The following RBFOX1 variants were observed in gnomAD, a reference collection of about 807,000 sequenced individuals.
The protein encoded by RBFOX1 is RNA binding protein fox-1 homolog 1.
A neutral mutation model predicts 57.7 loss-of-function variants in RBFOX1; 8 were observed. The ratio of observed to expected loss-of-function variants is 0.14; its 90% confidence interval spans 0.08 to 0.25. The LOEUF (loss-of-function observed/expected upper bound fraction) is 0.25, where lower values mean the gene tolerates loss of function less well. Ranked by LOEUF, RBFOX1 falls within the 10% of genes least tolerant of loss-of-function variation. RBFOX1 has a pLI of 1.00. For synonymous variants in RBFOX1, 326 were observed against 222.4 expected (o/e 1.47, Z -4.15); for missense variants, 611 against 548.5 (o/e 1.11, Z -1.14).
intron 1 of RBFOX1, among the ~76,000 whole-genome samples, chr16:6,220,948 A>G (rs961198583): frequency 6.6e-6 from 1 of 151,920 alleles, no homozygotes; most frequent in Non-Finnish European, 1.5e-5. Flanking sequence ...GCTATCAAAT[A>G]CTTCACTCTG....
At chr16:6,840,440 TTAG>T (rs944062597) in intron 3 of RBFOX1, among the ~76,000 whole-genome samples, 1 of 152,172 alleles carries the variant, frequency 6.6e-6, no homozygotes, top group Non-Finnish European at 1.5e-5. Flanking sequence ...TCAACTATAA[TTAG>T]TAGAATTAAC....
intron 2 of RBFOX1, among the ~76,000 whole-genome samples, chr16:6,363,618 CACA>C (rs1295783667): frequency 1.3e-5 from 2 of 152,184 alleles, no homozygotes; most frequent in Non-Finnish European, 2.9e-5. Flanking sequence ...GCAGTGACAG[CACA>C]ACAACAGACA....
At chr16:6,888,307 G>C (rs1429784473) in intron 3 of RBFOX1, among the ~76,000 whole-genome samples, 1 of 152,186 alleles carries the variant, frequency 6.6e-6, no homozygotes, top group African/African-American at 2.4e-5. Flanking sequence ...GCTCTTGAAA[G>C]TAGTTACACA....
chr16:7,370,613 G>A (rs1319628279), intron 4 of RBFOX1, among the ~76,000 whole-genome samples: 2 of 152,116 alleles, frequency 1.3e-5, no homozygotes, highest in Non-Finnish European at 2.9e-5. Flanking sequence ...TGCATTTCAG[G>A]ATACCATTCT....
At chr16:5,902,871 G>A (rs1197667293) in intron 4 of RBFOX1, among the ~76,000 whole-genome samples, 3 of 152,222 alleles carry the variant, frequency 2.0e-5, no homozygotes, top group African/African-American at 7.2e-5. Flanking sequence ...AGGATCTGCT[G>A]CTCACCTCCA....
chr16:7,225,527 A>AC (rs199701133), intron 4 of RBFOX1, among the ~76,000 whole-genome samples: 1,630 of 152,024 alleles, frequency 0.011, 30 homozygotes, highest in African/African-American at 0.037. Context: ...TTTATAAATT[A>AC]CCAGTCTCAA....
chr16:6,851,050 A>T (rs562880516), intron 3 of RBFOX1, among the ~76,000 whole-genome samples: 2 of 152,330 alleles, frequency 1.3e-5, no homozygotes, highest in South Asian at 4.1e-4. Context: ...AAAAAAGAAC[A>T]AATTATTGAT....
At chr16:7,388,127 T>A (rs2097915638) in intron 4 of RBFOX1, among the ~76,000 whole-genome samples, 1 of 152,190 alleles carries the variant, frequency 6.6e-6, no homozygotes, top group South Asian at 2.1e-4. Context: ...GTGTTTATTG[T>A]GTTTGCATAA....
At chr16:5,536,618 G>T (rs2044708404) in intron 2 of RBFOX1, among the ~76,000 whole-genome samples, 1 of 152,122 alleles carries the variant, frequency 6.6e-6, no homozygotes, top group South Asian at 2.1e-4. Context: ...TTTGTTATGG[G>T]TGATGTCAGC....
intron 3 of RBFOX1, among the ~76,000 whole-genome samples, chr16:6,942,970 C>A (rs573269585): frequency 6.6e-6 from 1 of 152,134 alleles, no homozygotes; most frequent in Non-Finnish European, 1.5e-5. Context: ...TGACTTGTTT[C>A]GTGGTTGAAA....
intron 3 of RBFOX1, among the ~76,000 whole-genome samples, chr16:6,655,121 C>G (rs944091103): frequency 6.6e-6 from 1 of 151,708 alleles, no homozygotes; most frequent in Non-Finnish European, 1.5e-5. Context: ...TGCCTATAAT[C>G]CCAACACTTT....
intron 4 of RBFOX1, among the ~76,000 whole-genome samples, chr16:5,867,630 A>G (rs577398625): frequency 1.6e-4 from 25 of 152,310 alleles, no homozygotes; most frequent in African/African-American, 6.0e-4. Flanking sequence ...TGGCTCTGCC[A>G]ATGAGACCTC....
At chr16:6,316,339 A>G (rs150617455) in intron 1 of RBFOX1, among the ~76,000 whole-genome samples, 2 of 152,376 alleles carry the variant, frequency 1.3e-5, no homozygotes, top group East Asian at 3.9e-4. Context: ...ATCAATGAAC[A>G]TGAATCTCAC....
intron 4 of RBFOX1, among the ~76,000 whole-genome samples, chr16:5,987,574 G>C (rs118146901): frequency 6.6e-6 from 1 of 152,136 alleles, no homozygotes; most frequent in Non-Finnish European, 1.5e-5. Flanking sequence ...ATGTGGGCAT[G>C]TGCCTGTTTT....
At chr16:7,046,007 A>C (rs1261793537) in intron 3 of RBFOX1, among the ~76,000 whole-genome samples, 3 of 152,152 alleles carry the variant, frequency 2.0e-5, no homozygotes, top group African/African-American at 4.8e-5. Context: ...CACTATTACT[A>C]TACATTTTTA....
Position 6,102,763 on chromosome 16 carries a change from A to C in RBFOX1, c.-127+82771A>C, listed in dbSNP as rs557869307. Among the ~76,000 whole-genome samples, 6 of 152,268 alleles carry C rather than the reference A, an allele frequency of 3.9e-5. No homozygotes were observed. In the South Asian group the frequency reaches 1.2e-3, roughly 32 times the overall value. On this transcript the variant is annotated intron_variant, in intron 1 of 15. Transcript: ENST00000550418. ...TTGACTTGGTGAATCACAGCTGTTAAACTGTGTCTCGTGATTTTCATTTTA... is the reference window on the plus strand; with the variant it reads ...TTGACTTGGTGAATCACAGCTGTTACACTGTGTCTCGTGATTTTCATTTTA...
At chr16:5,428,720 A>C (rs78419286) in intron 1 of RBFOX1, among the ~76,000 whole-genome samples, 1 of 152,146 alleles carries the variant, frequency 6.6e-6, no homozygotes, top group South Asian at 2.1e-4. Flanking sequence ...CAGATGGTAC[A>C]TTACATGGAG....
intron 5 of RBFOX1, among the ~76,000 whole-genome samples, chr16:7,544,555 A>C (rs1296909983): frequency 6.6e-6 from 1 of 152,180 alleles, no homozygotes; most frequent in African/African-American, 2.4e-5. Context: ...GATTGGACTA[A>C]TACCAGGGAC....
intron 10 of RBFOX1, among the ~76,000 whole-genome samples, chr16:7,620,705 T>G (rs2059177264): frequency 6.6e-6 from 1 of 152,208 alleles, no homozygotes; most frequent in South Asian, 2.1e-4. Context: ...ATTCTCATGC[T>G]GAAGGATATG....
Sources: allele counts gnomAD v4.1 joint callset (sites outside exome capture counted in the v4.1 genomes callset), GRCh38; gene constraint gnomAD v4.1.1; transcripts MANE v1.5; gene names NCBI Gene and HGNC (gene_info 2026-07-23, HGNC 2026-07-21).